The following FRMD5 variants were observed in gnomAD, a reference collection of about 807,000 sequenced individuals.
FRMD5 encodes FERM domain containing 5.
Under a neutral mutation model 69.0 loss-of-function variants are expected in FRMD5, and 20 were observed. The ratio of observed to expected loss-of-function variants is 0.29; its 90% CI spans 0.20 to 0.42. The LOEUF (loss-of-function observed/expected upper bound fraction) is 0.42, where lower values mean the gene tolerates loss of function less well. Ranked by LOEUF, FRMD5 falls within the 10% of genes least tolerant of loss-of-function variation. The pLI is 1.00. For synonymous variants in FRMD5, 271 were observed against 260.1 expected (o/e 1.04, Z -0.40); for missense variants, 595 against 708.6 (o/e 0.84, Z 1.82).
At chr15:43,931,590 T>C (rs1055162375) in intron 1 of FRMD5, among the ~76,000 whole-genome samples, 1 of 150,042 alleles carries the variant, frequency 6.7e-6, no homozygotes, top group Non-Finnish European at 1.5e-5. Context: ...GCTTTTTTCT[T>C]TTTTTTTTTG....
At chr15:44,091,523 C>G (rs1395364408) in intron 1 of FRMD5, among the ~76,000 whole-genome samples, 2 of 152,120 alleles carry the variant, frequency 1.3e-5, no homozygotes. Flanking sequence ...ATTTTAGCTT[C>G]TCTTTTCTAA....
chr15:44,175,658 A>C (rs556512383), intron 1 of FRMD5, among the ~76,000 whole-genome samples: 2 of 152,300 alleles, frequency 1.3e-5, no homozygotes, highest in South Asian at 4.1e-4. Flanking sequence ...AAAAACCTGT[A>C]TGTGAATGTC....
intron 10 of FRMD5, among the ~76,000 whole-genome samples, chr15:43,885,997 G>A (rs184788714): frequency 2.0e-5 from 3 of 152,184 alleles, no homozygotes; most frequent in Admixed American, 1.3e-4. Context: ...GAGAGTGAAG[G>A]CTCCCCCAAA....
At chr15:43,926,682 G>A (rs1432047447) in intron 1 of FRMD5, among the ~76,000 whole-genome samples, 1 of 151,836 alleles carries the variant, frequency 6.6e-6, no homozygotes, top group East Asian at 1.9e-4. Flanking sequence ...AACTACAGAA[G>A]GAGGCAACAT....
chr15:44,051,116 T>A (rs1892643200), intron 1 of FRMD5, among the ~76,000 whole-genome samples: 1 of 145,858 alleles, frequency 6.9e-6, no homozygotes, highest in African/African-American at 2.5e-5. Context: ...TTTCACCTCC[T>A]AATTACTGTA....
intron 1 of FRMD5, among the ~76,000 whole-genome samples, chr15:44,011,743 G>T (rs941633338): frequency 2.0e-5 from 3 of 152,154 alleles, no homozygotes; most frequent in African/African-American, 7.2e-5. Flanking sequence ...CCCTGATGAC[G>T]CCATCAAAGA....
At chr15:44,172,210 C>G (rs984523997) in intron 1 of FRMD5, among the ~76,000 whole-genome samples, 1 of 151,998 alleles carries the variant, frequency 6.6e-6, no homozygotes, top group African/African-American at 2.4e-5. Flanking sequence ...CCCACCTCAG[C>G]CTCCTGAGTA....
chr15:43,967,521 G>A (rs1020939794), intron 1 of FRMD5, among the ~76,000 whole-genome samples: 1 of 151,958 alleles, frequency 6.6e-6, no homozygotes, highest in Non-Finnish European at 1.5e-5. Context: ...ATGAGCCACC[G>A]CACCCAGACC....
intron 7 of FRMD5, among the ~76,000 whole-genome samples, chr15:43,892,879 G>A (rs1035187382): frequency 6.6e-6 from 1 of 152,180 alleles, no homozygotes; most frequent in Non-Finnish European, 1.5e-5. Flanking sequence ...CGAGGCAGGT[G>A]GATCATCTGA....
At chr15:43,916,753 T>C (rs1002090659) in intron 4 of FRMD5, among the ~76,000 whole-genome samples, 1 of 151,970 alleles carries the variant, frequency 6.6e-6, no homozygotes, top group Non-Finnish European at 1.5e-5. Context: ...TCATGTAAGA[T>C]AGTGACACTG....
At chr15:44,083,832 G>A (rs1297250987) in intron 1 of FRMD5, among the ~76,000 whole-genome samples, 1 of 152,016 alleles carries the variant, frequency 6.6e-6, no homozygotes, top group Admixed American at 6.6e-5. Context: ...GGTTCATTCA[G>A]TTCAATATCT....
chr15:43,989,480 G>A, intron 1 of FRMD5: 1 of 845,284 alleles, frequency 1.2e-6, no homozygotes, highest in South Asian at 1.3e-5. Flanking sequence ...TATCTCCAGG[G>A]AGGAGCTGGA....
chr15:43,965,630 G>A (rs965876312), intron 1 of FRMD5, among the ~76,000 whole-genome samples: 50 of 138,672 alleles, frequency 3.6e-4, no homozygotes, highest in Non-Finnish European at 6.8e-4. Context: ...TGCCCAGGCT[G>A]GTGTGCAATG....
chr15:43,918,116 C>G (rs918924511), intron 4 of FRMD5, among the ~76,000 whole-genome samples: 2 of 152,152 alleles, frequency 1.3e-5, no homozygotes, highest in African/African-American at 4.8e-5. Context: ...CTGGCATGCT[C>G]TTTAGATCAG....
chr15:44,090,048 T>A (rs1324497900), intron 1 of FRMD5, among the ~76,000 whole-genome samples: 1 of 152,136 alleles, frequency 6.6e-6, no homozygotes, highest in African/African-American at 2.4e-5. Flanking sequence ...CCTCCGTCCC[T>A]CACTTCACTT....
At chr15:44,051,508 A>G (rs1431243850) in intron 1 of FRMD5, among the ~76,000 whole-genome samples, 1 of 151,878 alleles carries the variant, frequency 6.6e-6, no homozygotes, top group Non-Finnish European at 1.5e-5. Flanking sequence ...CTTTCCTATT[A>G]TTAACATCTT....
chr15:44,179,535 A>C (rs1432568478), intron 1 of FRMD5, among the ~76,000 whole-genome samples: 2 of 152,242 alleles, frequency 1.3e-5, no homozygotes, highest in Non-Finnish European at 2.9e-5. Context: ...TGTGTTCTGC[A>C]AACTCAAAGA....
At chr15:43,955,597 TTG>T (rs143391516) in intron 1 of FRMD5, among the ~76,000 whole-genome samples, 12 of 151,726 alleles carry the variant, frequency 7.9e-5, no homozygotes, top group African/African-American at 2.7e-4. Context: ...AAGGGCCATT[TTG>T]TGTGTGTGTG....
At chr15:43,880,676 G>C (rs970636365) in intron 13 of FRMD5, among the ~76,000 whole-genome samples, 5 of 152,208 alleles carry the variant, frequency 3.3e-5, no homozygotes, top group Non-Finnish European at 7.3e-5. Flanking sequence ...TGGGCTGGGG[G>C]CCATGACCAG....
Sources: allele counts gnomAD v4.1 joint callset (sites outside exome capture counted in the v4.1 genomes callset), GRCh38; gene constraint gnomAD v4.1.1; transcripts MANE v1.5; gene names NCBI Gene and HGNC (gene_info 2026-07-23, HGNC 2026-07-21).